Variants in SNAPC3 observed in about 807,000 individuals in gnomAD.
SNAPC3 encodes the protein snRNA-activating protein complex subunit 3.
Under a neutral mutation model 47.7 loss-of-function variants are expected in SNAPC3, and 56 were observed. The ratio of observed to expected loss-of-function variants is 1.18; its 90% CI spans 0.95 to 1.47. SNAPC3 has a LOEUF of 1.47. Among genes scored for constraint, SNAPC3 ranks in the 40% most tolerant of loss-of-function variants. The pLI is 0.00. For missense variants in SNAPC3, 665 were observed against 511.3 expected (o/e 1.30, Z -2.90); for synonymous variants, 235 against 189.9 (o/e 1.24, Z -1.95).
chr9:15,432,412 C>G (rs758041214), intron 2 of SNAPC3, among the ~76,000 whole-genome samples: 2 of 152,092 alleles, frequency 1.3e-5, no homozygotes, highest in Non-Finnish European at 2.9e-5. Flanking sequence ...TCTCTAAACA[C>G]CTTTTTCCAG....
At chr9:15,451,982 A>G (rs2034423551) in intron 6 of SNAPC3, among the ~76,000 whole-genome samples, 1 of 145,356 alleles carries the variant, frequency 6.9e-6, no homozygotes, top group African/African-American at 2.5e-5. Flanking sequence ...AAAAAAAAAA[A>G]TGAAAAAGTC....
At position 15,433,597 on chromosome 9, in the gene SNAPC3, A is replaced by C; in HGVS notation, c.438A>C (p.Ile146=). ...FLEHREETIT[I]DRACRQETFV... ...AACATCGGGAAGAAACCATTACAAT[A>C]GATCGAGCCTGCAGACAAGAAACAT... Residue 146 remains isoleucine, a synonymous_variant, in exon 3 of 9, where the codon ATA becomes ATC. Coordinates refer to ENST00000380821, the MANE Select transcript of SNAPC3 (RefSeq NM_001039697.2). The C allele has an allele frequency of 1.9e-6, 3 of 1,610,328 alleles. No homozygotes were observed. The highest frequency in any genetic ancestry group is 2.5e-6 in the Non-Finnish European group (3 of 1,177,672).
chr9:15,438,070 T>G lies in SNAPC3; in HGVS notation c.477+4434T>G, dbSNP rs140970164. Among the ~76,000 whole-genome samples, 49 of 152,312 alleles carry G rather than the reference T, an allele frequency of 3.2e-4. 2 individuals carry two copies. In the East Asian group the frequency reaches 8.7e-3, roughly 27 times the overall value. ...TGAGAAACTCTGGTATTAATTCTTT[T>G]AATGTTTGGTAGAATTTACCAGTGA... On this transcript the variant is annotated intron_variant, in intron 3 of 8. Coordinates refer to ENST00000380821, the MANE Select transcript of SNAPC3 (RefSeq NM_001039697.2).
At chr9:15,455,404 T>C (rs1197114526) in intron 7 of SNAPC3, among the ~76,000 whole-genome samples, 6 of 152,184 alleles carry the variant, frequency 3.9e-5, no homozygotes, top group Non-Finnish European at 7.4e-5. Flanking sequence ...CTGTCTCTAC[T>C]AAAAATACAA....
At chr9:15,434,657 C>T (rs998186967) in intron 3 of SNAPC3, among the ~76,000 whole-genome samples, 1 of 152,118 alleles carries the variant, frequency 6.6e-6, no homozygotes, top group African/African-American at 2.4e-5. Context: ...CTGCCTACTT[C>T]GGCCTCCCAA....
intron 3 of SNAPC3, among the ~76,000 whole-genome samples, chr9:15,441,383 C>CTTTTTTTTTTTTTTTTTTT (rs77103785): frequency 3.4e-5 from 2 of 59,572 alleles, no homozygotes; most frequent in Non-Finnish European, 6.1e-5. Context: ...GTTCCCTTTT[C>CTTTTTTTTTTTTTTTTTTT]TTTTTTTTTT....
chr9:15,457,557 C>G (rs932262501), intron 7 of SNAPC3, among the ~76,000 whole-genome samples: 2 of 152,016 alleles, frequency 1.3e-5, no homozygotes. Context: ...ATCATGCCAC[C>G]GTACTCCAGC....
intron 3 of SNAPC3, among the ~76,000 whole-genome samples, chr9:15,442,527 C>G (rs2033550555): frequency 6.6e-6 from 1 of 151,682 alleles, no homozygotes; most frequent in South Asian, 2.1e-4. Context: ...CCTCACCTCC[C>G]AGATCGGGTG....
intron 4 of SNAPC3, among the ~76,000 whole-genome samples, chr9:15,446,116 C>G (rs2033909806): frequency 6.6e-6 from 1 of 152,184 alleles, no homozygotes; most frequent in African/African-American, 2.4e-5. Context: ...TCCAGTGGAT[C>G]TTAATGCTCA....
At chr9:15,426,117 G>C (rs2031357665) in intron 2 of SNAPC3, among the ~76,000 whole-genome samples, 1 of 152,162 alleles carries the variant, frequency 6.6e-6, no homozygotes, top group Non-Finnish European at 1.5e-5. Flanking sequence ...GCCTCCCAAA[G>C]TGTTGGGATT....
chr9:15,436,451 C>CT (rs1474451471), intron 3 of SNAPC3, among the ~76,000 whole-genome samples: 3 of 152,168 alleles, frequency 2.0e-5, no homozygotes, highest in Non-Finnish European at 4.4e-5. Flanking sequence ...GATCTTGGCC[C>CT]TTTTGTCCAA....
chr9:15,432,007 A>T (rs1171038797), intron 2 of SNAPC3: 1 of 149,170 alleles, frequency 6.7e-6, no homozygotes, highest in East Asian at 2.0e-4. Flanking sequence ...CCAAAAGCGT[A>T]TCTTGATATA....
At chr9:15,424,374 G>GT (rs1407558468) in intron 2 of SNAPC3, among the ~76,000 whole-genome samples, 1 of 152,080 alleles carries the variant, frequency 6.6e-6, no homozygotes, top group African/African-American at 2.4e-5. Flanking sequence ...GTTTATAGAG[G>GT]TAATCTACTT....
intron 2 of SNAPC3, among the ~76,000 whole-genome samples, chr9:15,432,585 A>G (rs1258315281): frequency 6.6e-6 from 1 of 152,212 alleles, no homozygotes; most frequent in Non-Finnish European, 1.5e-5. Flanking sequence ...GGGAGCTCCT[A>G]ATGATAAAGC....
intron 3 of SNAPC3, among the ~76,000 whole-genome samples, chr9:15,437,126 A>G (rs1459253107): frequency 2.6e-5 from 4 of 151,206 alleles, no homozygotes; most frequent in Non-Finnish European, 5.9e-5. Context: ...TGCCCAGCCT[A>G]TCAGCAGTGT....
At position 15,460,869 on chromosome 9, in the gene SNAPC3, G is replaced by A. The variant is rs187646947; in HGVS notation, c.*1003G>A. ...CTTGAAGCTTTATTTCTTGACAAAA[G>A]CTTTATGAATGTTATGAGTTTAAAA... On this transcript the variant is annotated 3_prime_UTR_variant, in exon 9 of 9. Coordinates refer to ENST00000380821, the MANE Select transcript of SNAPC3 (RefSeq NM_001039697.2). 3.0e-4 allele frequency: 46 copies of A among 152,152 alleles called. No homozygotes were observed. Among genetic ancestry groups the A allele is most frequent in the Admixed American group, 2.7e-3 (41 of 15,286 alleles). 9.4% of individuals were successfully genotyped at this position (152,152 alleles called of 1,614,324 possible). A position where few individuals can be genotyped will look rare whatever the true frequency, so the allele number is the denominator to read the frequency against.
chr9:15,465,009 A>C (rs1348583095), downstream of SNAPC3: 1 of 220,028 alleles, frequency 4.5e-6, no homozygotes, highest in Non-Finnish European at 9.1e-6. Flanking sequence ...ATTAAAATTA[A>C]CTTTTGATAA....
chr9:15,447,306 C>G lies in SNAPC3; in HGVS notation c.732+62C>G, dbSNP rs975755631. 1.5e-5 allele frequency: 22 copies of G among 1,443,878 alleles called. No individual in the cohort carries two copies. The Admixed American group carries it at 3.1e-4, about 20-fold the overall frequency. The allele number at this position is 1,443,878 out of a possible 1,614,324, so 89.4% of individuals were successfully genotyped here. A position where few individuals can be genotyped will look rare whatever the true frequency, so the allele number is the denominator to read the frequency against. On this transcript the variant is annotated intron_variant, in intron 5 of 8. Transcript: ENST00000380821. ...ACAAGCTAAGAAAATAGCGATTACT[C>G]TAGCTGGTTCATAAATGTCCCAGTA...
intron 3 of SNAPC3, among the ~76,000 whole-genome samples, chr9:15,442,386 T>C (rs1490338983): frequency 5.9e-5 from 8 of 135,448 alleles, no homozygotes; most frequent in South Asian, 5.1e-4. Context: ...GGGCAGCTGC[T>C]GGGCGGAGGG....
Sources: allele counts gnomAD v4.1 joint callset (sites outside exome capture counted in the v4.1 genomes callset), GRCh38; gene constraint gnomAD v4.1.1; transcripts MANE v1.5; gene names NCBI Gene and HGNC (gene_info 2026-07-23, HGNC 2026-07-21).